CFAP54: variants seen among roughly 807,000 people sequenced by gnomAD.
CFAP54 encodes the protein cilia and flagella associated protein 54, also known as cilia- and flagella-associated protein 54.
In CFAP54, 290 loss-of-function variants were observed where a neutral mutation model predicts 370.4. The observed-to-expected ratio is 0.78, with a 90% CI of 0.71 to 0.86. The LOEUF (loss-of-function observed/expected upper bound fraction) is 0.86. Ranked by LOEUF, CFAP54 falls within the 40% of genes least tolerant of loss-of-function variation. The pLI, the probability that CFAP54 is intolerant of heterozygous loss-of-function variation, is 0.00. For missense variants in CFAP54, 3,399 were observed against 3,528.7 expected (o/e 0.96, Z 0.93); for synonymous variants, 1,206 against 1,236.5 (o/e 0.98, Z 0.52).
chr12:96,827,778 TTA>T lies in CFAP54; in HGVS notation c.9097-1229_9097-1228del, dbSNP rs1790000592. On this transcript the variant is annotated intron_variant, in intron 65 of 67. Coordinates refer to ENST00000524981, the MANE Select transcript of CFAP54 (RefSeq NM_001306084.2). ...TAGTAACATATTATATTATATATAG[TTA>T]TATATAATATATAATTATATATAAT... is the stretch of plus-strand genomic sequence containing the variant. Among the ~76,000 whole-genome samples the T allele has an allele frequency of 6.0e-5, 7 of 115,776 alleles. 1 individual carries two copies. The South Asian group carries it at 1.7e-3, about 28-fold the overall frequency. The allele number at this position is 115,776 out of a possible 152,430, so 76.0% of individuals were successfully genotyped here.
chr12:96,514,003 A>C (rs1456350324), intron 5 of CFAP54, among the ~76,000 whole-genome samples: 1 of 152,194 alleles, frequency 6.6e-6, no homozygotes, highest in Admixed American at 6.5e-5. Flanking sequence ...AGTTGCTGAC[A>C]CTTCTATTGA....
At chr12:96,695,020 CAAAAA>C (rs898291231) in intron 45 of CFAP54, among the ~76,000 whole-genome samples, 1 of 149,120 alleles carries the variant, frequency 6.7e-6, no homozygotes, top group Non-Finnish European at 1.5e-5. Flanking sequence ...GACTCCGTGT[CAAAAA>C]AAACAAAAAC....
At chr12:96,753,632 C>T in intron 55 of CFAP54, 111 bp from the exon 56 acceptor site, 1 of 1,054,330 alleles carries the variant, frequency 9.5e-7, no homozygotes, top group Non-Finnish European at 1.4e-6. Flanking sequence ...GTAAAAACTA[C>T]CAAAGTTCTT....
intron 14 of CFAP54, among the ~76,000 whole-genome samples, chr12:96,545,918 C>T (rs1955636271): frequency 6.6e-6 from 1 of 152,134 alleles, no homozygotes; most frequent in Non-Finnish European, 1.5e-5. Context: ...GCGCCATGCC[C>T]CTTCCTTTAT....
intron 65 of CFAP54, among the ~76,000 whole-genome samples, chr12:96,822,715 G>T (rs1166517906): frequency 6.6e-6 from 1 of 152,120 alleles, no homozygotes; most frequent in African/African-American, 2.4e-5. Flanking sequence ...AATCTTTCCT[G>T]TCTCTTATAG....
At chr12:96,616,938 TG>T in intron 26 of CFAP54, among the ~76,000 whole-genome samples, 1 of 152,134 alleles carries the variant, frequency 6.6e-6, no homozygotes, top group East Asian at 1.9e-4. Context: ...GAGGCAGAGA[TG>T]AGTTCAGAGA....
chr12:96,650,590 A>G (rs906194175), intron 35 of CFAP54, among the ~76,000 whole-genome samples: 4 of 152,062 alleles, frequency 2.6e-5, no homozygotes, highest in Admixed American at 6.6e-5. Context: ...TAAATATTAT[A>G]TGAGACATGA....
At chr12:96,595,841 A>G (rs1454718716) in intron 25 of CFAP54, among the ~76,000 whole-genome samples, 4 of 152,224 alleles carry the variant, frequency 2.6e-5, no homozygotes, top group South Asian at 2.1e-4. Flanking sequence ...TATCAGACCT[A>G]CTTTGGAGGG....
At chr12:96,815,869 T>G (rs552055114) in intron 64 of CFAP54, among the ~76,000 whole-genome samples, 2 of 152,258 alleles carry the variant, frequency 1.3e-5, no homozygotes, top group Admixed American at 6.5e-5. Context: ...ATCAAATGGT[T>G]GTAGATGTGT....
intron 64 of CFAP54, among the ~76,000 whole-genome samples, chr12:96,815,622 A>G (rs983087218): frequency 3.3e-5 from 5 of 152,164 alleles, no homozygotes; most frequent in Non-Finnish European, 4.4e-5. Context: ...TATTTTAGTC[A>G]TGAAGTCTTT....
chr12:96,702,528 G>A (rs1957503054), intron 46 of CFAP54, among the ~76,000 whole-genome samples: 1 of 149,166 alleles, frequency 6.7e-6, no homozygotes, highest in Non-Finnish European at 1.5e-5. Context: ...AAACAAGAGA[G>A]AGTTTTCAAT....
chr12:96,768,334 GA>G (rs1715130467), intron 60 of CFAP54, among the ~76,000 whole-genome samples: 1 of 150,404 alleles, frequency 6.6e-6, no homozygotes, highest in Admixed American at 6.6e-5. Flanking sequence ...AAATAAAATA[GA>G]AAAAACAAAA....
At chr12:96,563,774 A>T (rs1008519928) in intron 17 of CFAP54, among the ~76,000 whole-genome samples, 1 of 152,242 alleles carries the variant, frequency 6.6e-6, no homozygotes, top group African/African-American at 2.4e-5. Flanking sequence ...ATCTCCAAGG[A>T]CCAAAATACT....
At chr12:96,654,169 C>T (rs1239974309) in intron 36 of CFAP54, among the ~76,000 whole-genome samples, 1 of 151,556 alleles carries the variant, frequency 6.6e-6, no homozygotes, top group Non-Finnish European at 1.5e-5. Flanking sequence ...AGCAAACACA[C>T]ATGGAAGAAA....
In CFAP54 at chr12:96,630,167, C is replaced by A. The variant is rs973162384; in HGVS notation, c.4178C>A (p.Ser1393Tyr). 2 of 1,503,920 alleles carry A rather than the reference C, an allele frequency of 1.3e-6. No individual in the cohort carries two copies. The highest frequency in any genetic ancestry group is 2.8e-5 in the African/African-American group (2 of 72,272). 93.2% of individuals were successfully genotyped at this position (1,503,920 alleles called of 1,614,324 possible). Residue 1393 changes from serine to tyrosine, a missense_variant, in exon 31 of 68, where the codon TCT becomes TAT. This residue lies in a region of CFAP54 where 2,796 missense variants were observed against 2,869.7 expected (regional missense o/e 0.97). Transcript: ENST00000524981. ...DSALNKKANK[S>Y]LKFKAAVMEI... ...GCTTTGAATAAAAAAGCAAACAAAT[C>A]TTTAAAGTTCAAAGCTGCAGTAATG... is the stretch of plus-strand genomic sequence containing the variant.
chr12:96,577,510 G>C (rs1955990011), intron 20 of CFAP54, among the ~76,000 whole-genome samples: 1 of 152,090 alleles, frequency 6.6e-6, no homozygotes, highest in Non-Finnish European at 1.5e-5. Flanking sequence ...AGGATGTTCT[G>C]CTTGAAGTTA....
intron 65 of CFAP54, among the ~76,000 whole-genome samples, chr12:96,825,942 C>CATTAATATATAA (rs1027363514): frequency 7.3e-6 from 1 of 137,852 alleles, no homozygotes; most frequent in East Asian, 2.1e-4. Flanking sequence ...TAACATAGTA[C>CATTAATATATAA]ATTAATATAT....
At chr12:96,546,425 A>G (rs11834984) in intron 14 of CFAP54, among the ~76,000 whole-genome samples, 18 of 144,574 alleles carry the variant, frequency 1.2e-4, no homozygotes, top group South Asian at 6.3e-4. Flanking sequence ...TTGTTTGTTT[A>G]TTTATTTTCC....
At chr12:96,644,756 C>T (rs1023872705) in intron 33 of CFAP54, among the ~76,000 whole-genome samples, 2 of 152,102 alleles carry the variant, frequency 1.3e-5, no homozygotes, top group Non-Finnish European at 2.9e-5. Flanking sequence ...TTGTGAGACT[C>T]ATTATCATGA....
Sources: allele counts gnomAD v4.1 joint callset (sites outside exome capture counted in the v4.1 genomes callset), GRCh38; gene constraint gnomAD v4.1.1; regional missense constraint gnomAD v4.1.1; transcripts MANE v1.5; gene names NCBI Gene and HGNC (gene_info 2026-07-23, HGNC 2026-07-21).